Variants in A2M observed in about 807,000 individuals in gnomAD.
A2M encodes C3 and PZP-like alpha-2-macroglobulin domain-containing protein 5.
A neutral mutation model predicts 183.9 loss-of-function variants in A2M; 128 were observed. The ratio of observed to expected loss-of-function variants is 0.70; its 90% CI spans 0.60 to 0.81. The LOEUF (loss-of-function observed/expected upper bound fraction) is 0.81. Among genes scored for constraint, A2M ranks in the 30% least tolerant of loss-of-function variants. The pLI is 0.00. For missense variants in A2M, 1,495 were observed against 1,787.6 expected, an observed-to-expected ratio of 0.84 and a Z score of 2.95; for synonymous variants, 592 against 670.8, an observed-to-expected ratio of 0.88 and a Z score of 1.81.
chr12:9,103,907 C>T (rs745333163), intron 11 of A2M, among the ~76,000 whole-genome samples: 3 of 152,208 alleles, frequency 2.0e-5, no homozygotes, highest in African/African-American at 4.8e-5. Context: ...ACCCCGTTTT[C>T]GATTCTTTTG....
intron 31 of A2M, 104 bp downstream of exon 31, chr12:9,072,255 A>G: frequency 1.5e-6 from 2 of 1,328,652 alleles, no homozygotes; most frequent in Non-Finnish European, 2.1e-6. Context: ...TTTTTTGTGA[A>G]TAGTGCAAAT....
chr12:9,085,994 C>G (rs79267135), intron 22 of A2M, among the ~76,000 whole-genome samples: 3,572 of 152,146 alleles, frequency 0.023, 59 homozygotes, highest in Non-Finnish European at 0.037. Context: ...GAGATTGAAT[C>G]AGTAATAAAA....
intron 34 of A2M, 74 bp downstream of exon 34, chr12:9,068,666 C>G (rs1948467634): frequency 1.7e-6 from 2 of 1,205,884 alleles, no homozygotes; most frequent in Admixed American, 4.0e-5. Flanking sequence ...ATAAATAACC[C>G]CAACACATCT....
At chr12:9,098,508 A>G (rs962459572) in intron 15 of A2M, 99 bp downstream of exon 15, 3 of 1,338,514 alleles carry the variant, frequency 2.2e-6, no homozygotes, top group Non-Finnish European at 3.0e-6. Flanking sequence ...CTAGATAAAT[A>G]TAATTTTAAT....
Position 9,110,055 on chromosome 12 carries a change from A to G in A2M, c.505-20T>C. On this transcript the variant is annotated intron_variant, in intron 5 of 35. Transcript: ENST00000318602. ...GGGATCCTATATGAGTAAATTAATT[A>G]TAACTTACAAAAGCACCTGGAGCAT... 2 of 1,591,046 alleles carry G rather than the reference A, an allele frequency of 1.3e-6. No homozygotes were observed. Among genetic ancestry groups the G allele is most frequent in the Non-Finnish European group, 1.7e-6 (2 of 1,170,910 alleles).
chr12:9,093,734 T>C (rs1182683703), intron 17 of A2M, among the ~76,000 whole-genome samples, 155 bp from the exon 18 acceptor site: 1 of 151,730 alleles, frequency 6.6e-6, no homozygotes, highest in Non-Finnish European at 1.5e-5. Flanking sequence ...CAAGGAAAGC[T>C]TCTTTGAGGA....
intron 11 of A2M, among the ~76,000 whole-genome samples, chr12:9,103,706 C>G (rs1938067615): frequency 6.6e-6 from 1 of 152,172 alleles, no homozygotes; most frequent in Non-Finnish European, 1.5e-5. Flanking sequence ...CCATAACGTC[C>G]TCAAGGATCA....
intron 22 of A2M, among the ~76,000 whole-genome samples, chr12:9,087,563 A>G (rs780547681): frequency 3.4e-5 from 5 of 146,164 alleles, no homozygotes; most frequent in Non-Finnish European, 7.8e-5. Context: ...GAAGGAATAC[A>G]TTTTTTTCTT....
Position 9,088,391 on chromosome 12 carries a change from C to T in A2M, c.2770+809G>A, listed in dbSNP as rs140543196. ...TTAAGAGATACATCAAAATGAGTAA[C>T]TCAGAAACGGAGAAGTCATGATAAA... On this transcript the variant is annotated intron_variant, in intron 22 of 35. Transcript: ENST00000318602. Among the ~76,000 whole-genome samples the T allele has an allele frequency of 3.9e-5, 6 of 151,950 alleles. No individual in the cohort carries two copies. In the East Asian group the frequency reaches 9.7e-4, roughly 24 times the overall value.
intron 22 of A2M, among the ~76,000 whole-genome samples, chr12:9,086,312 G>T (rs1949051094): frequency 6.6e-6 from 1 of 152,138 alleles, no homozygotes; most frequent in African/African-American, 2.4e-5. Context: ...AGGATTGCTT[G>T]AACTCAGGAG....
chr12:9,098,740 C>A lies in A2M; in HGVS notation c.1718G>T (p.Ser573Ile), dbSNP rs1949463090. ...CLANKVDLSFSPSQSLPASHA... is the reference protein window; with the variant it reads ...CLANKVDLSFIPSQSLPASHA... ...TGAGGCTGGGAGACTTTGTGATGGG[C>A]TGAAGCTCAAATCCACCTGTGAAAT... Residue 573 changes from serine (S) to isoleucine (I), a missense_variant, in exon 15 of 36, where the codon AGC becomes ATC. Ser to Ile is a moderately radical substitution (Grantham distance 142, BLOSUM62 -2). Coordinates refer to ENST00000318602, the MANE Select transcript of A2M (RefSeq NM_000014.6). 2 of 1,612,924 alleles carry A rather than the reference C, an allele frequency of 1.2e-6. No individual in the cohort carries two copies. The highest frequency in any genetic ancestry group is 2.7e-5 in the African/African-American group (2 of 75,016).
intron 19 of A2M, 67 bp downstream of exon 19, chr12:9,091,134 C>T: frequency 1.3e-6 from 2 of 1,544,478 alleles, no homozygotes; most frequent in Non-Finnish European, 1.8e-6. Context: ...TTGCAGTATT[C>T]CTAGGAATGC....
intron 15 of A2M, among the ~76,000 whole-genome samples, chr12:9,098,007 G>A (rs745372795): frequency 5.3e-4 from 80 of 152,288 alleles, no homozygotes; most frequent in African/African-American, 1.9e-3. Context: ...TATCACTTTT[G>A]TTAGGCTTTT....
At chr12:9,100,427 C>CTTATTTAT (rs376019530) in intron 13 of A2M, among the ~76,000 whole-genome samples, 10 of 151,528 alleles carry the variant, frequency 6.6e-5, no homozygotes, top group African/African-American at 1.5e-4. Context: ...CCCCTTTGTT[C>CTTATTTAT]TTATTTATTT....
chr12:9,099,635 A>C (rs1430859268), intron 13 of A2M, 112 bp from the exon 14 acceptor site: 1 of 1,295,174 alleles, frequency 7.7e-7, no homozygotes, highest in South Asian at 1.7e-5. Flanking sequence ...ATTACCTCTA[A>C]GGACTCTAGC....
chr12:9,080,656 A>G (rs142201922), intron 22 of A2M, among the ~76,000 whole-genome samples: 1 of 152,332 alleles, frequency 6.6e-6, no homozygotes, highest in African/African-American at 2.4e-5. Context: ...TTTCATATAC[A>G]AAGATAGTAT....
intron 25 of A2M, among the ~76,000 whole-genome samples, chr12:9,078,610 C>T (rs771158297): frequency 2.0e-5 from 3 of 152,134 alleles, no homozygotes; most frequent in Non-Finnish European, 4.4e-5. Context: ...CTTGAAGAAT[C>T]GCCATACTGT....
chr12:9,088,122 T>C (rs2137769487), intron 22 of A2M, among the ~76,000 whole-genome samples: 1 of 152,262 alleles, frequency 6.6e-6, no homozygotes, highest in African/African-American at 2.4e-5. Flanking sequence ...GAATGAAACT[T>C]ATACAGTTTA....
At chr12:9,113,667 G>T in intron 1 of A2M, 124 bp from the exon 2 acceptor site, 1 of 999,224 alleles carries the variant, frequency 1.0e-6, no homozygotes, top group Non-Finnish European at 1.5e-6. Flanking sequence ...GTACTGATGA[G>T]CATGAAATTT....
Sources: gnomAD v4.1 joint callset for allele counts (sites outside exome capture counted in the v4.1 genomes callset) on GRCh38, gnomAD v4.1.1 for gene constraint, MANE v1.5 for transcripts, NCBI Gene and HGNC (gene_info 2026-07-23, HGNC 2026-07-21) for gene names.